Variants in FRY observed in about 807,000 individuals in gnomAD.
FRY encodes protein furry homolog.
FRY carries 128 observed loss-of-function variants against 348.4 expected under a neutral mutation model. The ratio of observed to expected loss-of-function variants is 0.37; its 90% CI spans 0.32 to 0.43. The LOEUF (loss-of-function observed/expected upper bound fraction) is 0.43. Among genes scored for constraint, FRY ranks in the 20% least tolerant of loss-of-function variants. The pLI, the probability that FRY is intolerant of heterozygous loss-of-function variation, is 1.00. For synonymous variants in FRY, 1,370 were observed against 1,374.7 expected, an observed-to-expected ratio of 1.00 and a Z score of 0.08; for missense variants, 2,736 against 3,695.2, an observed-to-expected ratio of 0.74 and a Z score of 6.73.
chr13:32,256,685 G>A (rs775612871), intron 51 of FRY, among the ~76,000 whole-genome samples: 1 of 152,198 alleles, frequency 6.6e-6, no homozygotes, highest in Non-Finnish European at 1.5e-5. Context: ...GAGTGAAGAT[G>A]CCTGAACTTC....
chr13:32,260,144 C>A, intron 51 of FRY, among the ~76,000 whole-genome samples: 1 of 152,278 alleles, frequency 6.6e-6, no homozygotes, highest in Middle Eastern at 3.4e-3. Flanking sequence ...GAGACAGACA[C>A]GACCCTCTGC....
intron 41 of FRY, among the ~76,000 whole-genome samples, chr13:32,232,421 G>A (rs986236580): frequency 1.1e-4 from 16 of 152,146 alleles, no homozygotes; most frequent in East Asian, 5.8e-4. Flanking sequence ...CTGGAAACAC[G>A]TGTTAGTCAG....
intron 55 of FRY, among the ~76,000 whole-genome samples, chr13:32,273,354 C>G (rs1888308960): frequency 1.3e-5 from 2 of 151,802 alleles, no homozygotes. Context: ...TCCCGAGTAG[C>G]TGGGACTACA....
chr13:32,276,150 T>G (rs868333179), intron 56 of FRY, among the ~76,000 whole-genome samples: 9 of 152,248 alleles, frequency 5.9e-5, no homozygotes, highest in African/African-American at 1.9e-4. Flanking sequence ...TATTGGGTGA[T>G]GACAGTAGAA....
intron 47 of FRY, 56 bp from the exon 48 acceptor site, chr13:32,247,267 A>G (rs1015625612): frequency 2.8e-6 from 4 of 1,430,274 alleles, no homozygotes; most frequent in Non-Finnish European, 3.9e-6. Flanking sequence ...TCTGACATAC[A>G]TTAGCTTTAA....
chr13:32,247,377 G>A lies in FRY; in HGVS notation c.6883G>A (p.Ala2295Thr). 1 of 1,613,658 alleles carries A rather than the reference G, an allele frequency of 6.2e-7. No homozygotes were observed. The change falls in exon 48 of 61, where the codon GCC becomes ACC. Residue 2295 changes from alanine to threonine, a missense_variant. By Grantham distance (58) the Ala-to-Thr change is moderately conservative. Around this residue, in one of 9 missense-constraint regions of FRY, gnomAD observed 789 missense variants for 996.2 expected, o/e 0.79. Transcript: ENST00000542859. Reference protein sequence around the residue: ...NILKLVVSRSASLVLPSYQHS... With the variant: ...NILKLVVSRSTSLVLPSYQHS... ...CTTGAAGCTGGTAGTTTCTCGGTCA[G>A]CCAGCCTTGTTTTACCTTCATACCA...
chr13:32,058,548 A>G (rs371215369), intron 1 of FRY, among the ~76,000 whole-genome samples: 4 of 152,236 alleles, frequency 2.6e-5, no homozygotes, highest in African/African-American at 7.2e-5. Context: ...TATTAATATC[A>G]GCCATCAGCT....
In FRY at chr13:32,225,941, C is replaced by T; in HGVS notation, c.5173C>T (p.Gln1725Ter). The T allele has an allele frequency of 6.2e-7, 1 of 1,614,136 alleles. No individual in the cohort carries two copies. Among genetic ancestry groups the T allele is most frequent in the Non-Finnish European group, 8.5e-7 (1 of 1,179,986 alleles). ...GGGTGAAGCTAAGACTCTAACCGTGCAGCCAGCCTACCAACCTGAATATCT... is the reference window on the plus strand; with the variant it reads ...GGGTGAAGCTAAGACTCTAACCGTGTAGCCAGCCTACCAACCTGAATATCT... ...EMGEAKTLTVQPAYQPEYLYT... is the reference protein window; with the variant it reads ...EMGEAKTLTV The change falls in exon 39 of 61, where the codon CAG becomes TAG. Residue 1725 changes from glutamine (Q) to a stop codon, truncating the protein, a stop_gained. Transcript: ENST00000542859. LOFTEE classifies it high-confidence loss of function.
intron 2 of FRY, among the ~76,000 whole-genome samples, chr13:32,091,583 G>T (rs1251072665): frequency 6.6e-6 from 1 of 152,028 alleles, no homozygotes; most frequent in African/African-American, 2.4e-5. Context: ...TGAACAAAAC[G>T]CTTTGGTGCA....
At position 32,247,407 on chromosome 13, in the gene FRY, A is replaced by G. The variant is rs1886866309; in HGVS notation, c.6913A>G (p.Ser2305Gly). Residue 2305 changes from serine to glycine, a missense_variant, in exon 48 of 61, where the codon AGT becomes GGT. Ser to Gly is a moderately conservative substitution (Grantham distance 56). Transcript: ENST00000542859. Reference protein sequence around the residue: ...ASLVLPSYQHSDLSKIEIHRV... With the variant: ...ASLVLPSYQHGDLSKIEIHRV... ...CCTTGTTTTACCTTCATACCAGCAC[A>G]GTGACCTCTCAAAAATAGAAATACA... The G allele has an allele frequency of 3.7e-6, 6 of 1,613,046 alleles. No homozygotes were observed. The highest frequency in any genetic ancestry group is 8.5e-7 in the Non-Finnish European group (1 of 1,179,108).
intron 2 of FRY, among the ~76,000 whole-genome samples, chr13:32,087,586 C>T (rs1300614319): frequency 6.6e-6 from 1 of 152,194 alleles, no homozygotes; most frequent in African/African-American, 2.4e-5. Context: ...TCCCAGCTTC[C>T]TCTTGTGATT....
chr13:32,057,202 ACT>A (rs1287080673), intron 1 of FRY, among the ~76,000 whole-genome samples: 1 of 151,196 alleles, frequency 6.6e-6, no homozygotes, highest in Non-Finnish European at 1.5e-5. Context: ...ACAGACTCTC[ACT>A]CTGTCACCCA....
intron 13 of FRY, 61 bp downstream of exon 13, chr13:32,148,008 T>C (rs929752847): frequency 2.2e-6 from 2 of 908,962 alleles, no homozygotes; most frequent in African/African-American, 1.6e-5. Context: ...CCAGCCTCCT[T>C]CTTATGAAGT....
rs146435454 is a variant in FRY at position 32,043,205 on chromosome 13, A to G, written c.70+11340A>G. Among the ~76,000 whole-genome samples, 402 of 152,332 alleles carry G rather than the reference A, an allele frequency of 2.6e-3. 1 individual carries two copies. The highest frequency in any genetic ancestry group is 4.7e-3 in the Non-Finnish European group (322 of 68,030). ...GTGAAATGTATTCACTACCACGAGA[A>G]CAGTATGGGAGAAATTGCCCCCATG... On this transcript the variant is annotated intron_variant, in intron 1 of 60. Transcript: ENST00000542859.
At chr13:32,266,257 A>G (rs1047496939) in intron 54 of FRY, among the ~76,000 whole-genome samples, 1 of 152,248 alleles carries the variant, frequency 6.6e-6, no homozygotes, top group Non-Finnish European at 1.5e-5. Flanking sequence ...GCCTTCTGTT[A>G]CAGTGAGCAA....
intron 24 of FRY, among the ~76,000 whole-genome samples, chr13:32,184,327 G>A (rs549868568): frequency 6.6e-6 from 1 of 152,316 alleles, no homozygotes; most frequent in South Asian, 2.1e-4. Flanking sequence ...CTGCCTTTCA[G>A]CAGACACTGG....
chr13:32,108,841 CT>C (rs1877753384), intron 3 of FRY, among the ~76,000 whole-genome samples: 1 of 152,200 alleles, frequency 6.6e-6, no homozygotes, highest in Admixed American at 6.5e-5. Context: ...GAGAGGTATG[CT>C]TTAGTTTTCC....
chr13:32,236,251 G>C, intron 43 of FRY, 79 bp downstream of exon 43: 2 of 1,067,398 alleles, frequency 1.9e-6, no homozygotes, highest in Admixed American at 3.6e-5. Flanking sequence ...TTTAGGAAAA[G>C]TACAAAGAAA....
At chr13:32,271,207 T>C (rs1888187246) in intron 55 of FRY, among the ~76,000 whole-genome samples, 1 of 152,190 alleles carries the variant, frequency 6.6e-6, no homozygotes, top group Non-Finnish European at 1.5e-5. Flanking sequence ...TACAGTGAAG[T>C]CAGACTAGCC....
Sources: allele counts gnomAD v4.1 joint callset (sites outside exome capture counted in the v4.1 genomes callset), GRCh38; gene constraint gnomAD v4.1.1; regional missense constraint gnomAD v4.1.1; transcripts MANE v1.5; gene names NCBI Gene and HGNC (gene_info 2026-07-23, HGNC 2026-07-21).